The following POU3F3 variants were observed in gnomAD, a reference collection of about 807,000 sequenced individuals.
The protein encoded by POU3F3 is POU class 3 homeobox 3.
POU3F3 carries 1 observed loss-of-function variant against 8.6 expected under a neutral mutation model. The observed-to-expected ratio is 0.12, with a 90% confidence interval of 0.04 to 0.55. The LOEUF (loss-of-function observed/expected upper bound fraction) is 0.55. Among genes scored for constraint, POU3F3 ranks in the 20% least tolerant of loss-of-function variants. The pLI, the probability that POU3F3 is intolerant of heterozygous loss-of-function variation, is 0.91. For missense variants in POU3F3, 577 were observed against 690.7 expected (o/e 0.84, Z 1.84); for synonymous variants, 418 against 327.4 (o/e 1.28, Z -2.99).
the POU3F3 span, among the ~76,000 whole-genome samples, chr2:104,908,212 C>G: frequency 6.6e-6 from 1 of 152,292 alleles, no homozygotes; most frequent in East Asian, 1.9e-4. Context: ...TATTCAGGAT[C>G]TTTGCAGCAA....
chr2:104,881,150 C>CTTTCTTTCTTTCTTTCTTT, the POU3F3 span, among the ~76,000 whole-genome samples: 5 of 72,712 alleles, frequency 6.9e-5, no homozygotes, highest in Admixed American at 1.5e-4. Flanking sequence ...TTCTTTCTTT[C>CTTTCTTTCTTTCTTTCTTT]CTTTCTTTCC....
In POU3F3 at chr2:104,855,181, C is replaced by G. The variant is rs1676524071; in HGVS notation, c.-330C>G. ...TGGCCACGGAGCGCACCCCGAGAAGCGAGCCCCCCTCCCCAGAGCGCTGCT... is the reference window on the plus strand; with the variant it reads ...TGGCCACGGAGCGCACCCCGAGAAGGGAGCCCCCCTCCCCAGAGCGCTGCT... On this transcript the variant is annotated 5_prime_UTR_variant, in exon 1 of 1. Coordinates refer to ENST00000361360, the MANE Select transcript of POU3F3 (RefSeq NM_006236.3). Among the ~76,000 whole-genome samples the G allele has an allele frequency of 6.6e-6, 1 of 151,724 alleles. No homozygotes were observed. The highest frequency in any genetic ancestry group is 6.6e-5 in the Admixed American group (1 of 15,244).
the POU3F3 span, among the ~76,000 whole-genome samples, chr2:104,880,290 C>T: frequency 6.6e-6 from 1 of 152,200 alleles, no homozygotes; most frequent in Non-Finnish European, 1.5e-5. Context: ...TTCACGTAGT[C>T]TGCAACAATG....
At chr2:104,860,149 C>T (rs534696299), downstream of POU3F3, among the ~76,000 whole-genome samples, 20 of 152,350 alleles carry the variant, frequency 1.3e-4, no homozygotes, top group Admixed American at 7.2e-4. Context: ...ACACTGTTTT[C>T]TATTAAAAAG....
chr2:104,868,362 C>A, the POU3F3 span: 1 of 456,696 alleles, frequency 2.2e-6, no homozygotes, highest in Non-Finnish European at 4.4e-6. Flanking sequence ...GTTTCTCCTC[C>A]GCCGACAAAG....
the POU3F3 span, among the ~76,000 whole-genome samples, chr2:104,871,438 TG>T: frequency 1.3e-5 from 2 of 152,190 alleles, no homozygotes; most frequent in African/African-American, 4.8e-5. Flanking sequence ...TTACCTCATT[TG>T]GGTTTGGAGT....
the POU3F3 span, chr2:104,872,475 G>T: frequency 5.1e-6 from 2 of 395,892 alleles, no homozygotes; most frequent in Non-Finnish European, 1.0e-5. The surrounding 1 kb of genome is among the most constrained non-coding windows in gnomAD (Gnocchi z 4.6). Flanking sequence ...GCGACGGCCC[G>T]TTCGCCCCGA....
the POU3F3 span, among the ~76,000 whole-genome samples, chr2:104,894,195 G>A: frequency 6.6e-6 from 1 of 152,194 alleles, no homozygotes; most frequent in Non-Finnish European, 1.5e-5. Flanking sequence ...CATCGCACAT[G>A]AGTTGTACCC....
the POU3F3 span, among the ~76,000 whole-genome samples, chr2:104,869,261 C>G: frequency 6.6e-6 from 1 of 152,192 alleles, no homozygotes; most frequent in Non-Finnish European, 1.5e-5. Context: ...TATTTTGGTA[C>G]AGGGGACAGG....
At chr2:104,895,062 A>AGTGT in the POU3F3 span, among the ~76,000 whole-genome samples, 377 of 149,374 alleles carry the variant, frequency 2.5e-3, 3 homozygotes, top group African/African-American at 8.8e-3. Context: ...TGCACAGGTG[A>AGTGT]GTGTGTGTGT....
At chr2:104,877,902 C>T in the POU3F3 span, among the ~76,000 whole-genome samples, 1 of 151,944 alleles carries the variant, frequency 6.6e-6, no homozygotes, top group Non-Finnish European at 1.5e-5. Context: ...ATGATCCGTC[C>T]TCCTCGGCCT....
chr2:104,854,619 T>C lies in POU3F3; in HGVS notation c.-892T>C, dbSNP rs1676509915. On this transcript the variant is annotated 5_prime_UTR_variant, in exon 1 of 1. Transcript: ENST00000361360. The surrounding 1 kb of genome is among the most constrained non-coding windows in gnomAD (Gnocchi z 4.5). ...TTGCGAGGAGAATGAAAAAGGACTC[T>C]TGTTTCAGAGGCAACCAAGAGCTCC... Among the ~76,000 whole-genome samples the C allele has an allele frequency of 6.6e-6, 1 of 152,158 alleles. No homozygotes were observed. The highest frequency in any genetic ancestry group is 6.5e-5 in the Admixed American group (1 of 15,286).
the POU3F3 span, among the ~76,000 whole-genome samples, chr2:104,890,360 G>A: frequency 3.3e-5 from 5 of 151,976 alleles, no homozygotes; most frequent in Non-Finnish European, 7.4e-5. Flanking sequence ...AGGTGTCCGC[G>A]AGCCTGATCT....
At chr2:104,899,252 C>A in the POU3F3 span, among the ~76,000 whole-genome samples, 1 of 152,200 alleles carries the variant, frequency 6.6e-6, no homozygotes, top group Admixed American at 6.5e-5. Context: ...TGTTTCCACA[C>A]CCACAGAGGA....
rs1380649160 is a variant in POU3F3 at position 104,855,275 on chromosome 2, G to C, written c.-236G>C. 6.7e-6 allele frequency among the ~76,000 whole-genome samples: 1 copy of C among 149,178 alleles called. No homozygotes were observed. Among genetic ancestry groups the C allele is most frequent in the Non-Finnish European group, 1.5e-5 (1 of 67,086 alleles). Reference sequence around the variant, plus strand: ...CCCCCGCGCCCTGCCGAGCGGCCTTGCAGCTGCAGCCGGGGGCCGCGGCGG... The same window carrying C: ...CCCCCGCGCCCTGCCGAGCGGCCTTCCAGCTGCAGCCGGGGGCCGCGGCGG... On this transcript the variant is annotated 5_prime_UTR_variant, in exon 1 of 1. Coordinates refer to ENST00000361360, the MANE Select transcript of POU3F3 (RefSeq NM_006236.3).
At chr2:104,877,728 G>T in the POU3F3 span, among the ~76,000 whole-genome samples, 88 of 142,980 alleles carry the variant, frequency 6.2e-4, 3 homozygotes, top group Middle Eastern at 3.6e-3. Context: ...GCACAATCTT[G>T]TCTCACTGCA....
At chr2:104,864,596 A>T in the POU3F3 span, among the ~76,000 whole-genome samples, 30 of 152,216 alleles carry the variant, frequency 2.0e-4, no homozygotes, top group African/African-American at 6.3e-4. Context: ...ACAAATACAA[A>T]TGTCCTAGAC....
rs1386468400 is a variant in POU3F3, at chr2:104,855,465, G to A, written c.-46G>A. On this transcript the variant is annotated 5_prime_UTR_variant, in exon 1 of 1. Coordinates refer to ENST00000361360, the MANE Select transcript of POU3F3 (RefSeq NM_006236.3). ...CGGCGGCCGCGGCTGCTGCTGCGGC[G>A]GCGGCGGCGGTGGTGGCGGCGGTGG... 23 of 930,320 alleles carry A rather than the reference G, an allele frequency of 2.5e-5. No homozygotes were observed. Among genetic ancestry groups the A allele is most frequent in the Non-Finnish European group, 2.8e-5 (22 of 783,556 alleles). The allele number at this position is 930,320 out of a possible 1,614,324, so 57.6% of individuals were successfully genotyped here. A position where few individuals can be genotyped will look rare whatever the true frequency, so the allele number is the denominator to read the frequency against.
At chr2:104,890,165 A>G in the POU3F3 span, among the ~76,000 whole-genome samples, 2 of 152,176 alleles carry the variant, frequency 1.3e-5, no homozygotes, top group African/African-American at 4.8e-5. Flanking sequence ...CTGGGAGGAC[A>G]GGGTGGAGCC....
Sources: gnomAD v4.1 joint callset for allele counts (sites outside exome capture counted in the v4.1 genomes callset) on GRCh38, gnomAD v4.1.1 for gene constraint, Gnocchi (gnomAD v3.1) non-coding constraint, MANE v1.5 for transcripts, NCBI Gene and HGNC (gene_info 2026-07-23, HGNC 2026-07-21) for gene names.